The following ENPP3 variants were observed in gnomAD, a reference collection of about 807,000 sequenced individuals.
The protein encoded by ENPP3 is ectonucleotide pyrophosphatase/phosphodiesterase 3.
Under a neutral mutation model 117.8 loss-of-function variants are expected in ENPP3, and 104 were observed. The ratio of observed to expected loss-of-function variants is 0.88; its 90% confidence interval spans 0.75 to 1.04. The LOEUF (loss-of-function observed/expected upper bound fraction) is 1.04, where lower values mean the gene tolerates loss of function less well. ENPP3 is among the 50% of genes least tolerant of loss of function. The pLI, the probability that ENPP3 is intolerant of heterozygous loss-of-function variation, is 0.00. For missense variants in ENPP3, 1,026 were observed against 1,051.9 expected (o/e 0.98, Z 0.34); for synonymous variants, 380 against 349.9 (o/e 1.09, Z -0.96).
intron 3 of ENPP3, among the ~76,000 whole-genome samples, chr6:131,651,180 A>G (rs968027540): frequency 2.0e-5 from 3 of 151,744 alleles, no homozygotes; most frequent in Admixed American, 6.6e-5. Flanking sequence ...TCGGCATCCC[A>G]AAGTGCTGGG....
intron 24 of ENPP3, among the ~76,000 whole-genome samples, chr6:131,743,355 G>A (rs945293205): frequency 3.3e-5 from 5 of 151,920 alleles, no homozygotes; most frequent in South Asian, 2.1e-4. Context: ...GAATGACTTC[G>A]TTTCTTTGGG....
At chr6:131,670,853 C>T (rs996176163) in intron 6 of ENPP3, among the ~76,000 whole-genome samples, 1 of 152,138 alleles carries the variant, frequency 6.6e-6, no homozygotes, top group African/African-American at 2.4e-5. Context: ...TAAAAATTAC[C>T]TGAAATGCAA....
At chr6:131,677,790 G>T (rs2114396260) in intron 10 of ENPP3, 78 bp from the exon 11 acceptor site, 1 of 939,624 alleles carries the variant, frequency 1.1e-6, no homozygotes, top group Non-Finnish European at 1.7e-6. Flanking sequence ...GCAAGCCCAA[G>T]ATCTACAAAA....
At chr6:131,736,225 G>A (rs910098506) in intron 21 of ENPP3, among the ~76,000 whole-genome samples, 1 of 152,170 alleles carries the variant, frequency 6.6e-6, no homozygotes, top group Non-Finnish European at 1.5e-5. Flanking sequence ...AATCCTCAGA[G>A]CCCATGATTT....
At chr6:131,638,412 C>G (rs1405016172) in intron 1 of ENPP3, 1 of 425,844 alleles carries the variant, frequency 2.3e-6, no homozygotes, top group Non-Finnish European at 4.6e-6. Flanking sequence ...CTCATGTTCT[C>G]TAATAGTCTT....
intron 21 of ENPP3, among the ~76,000 whole-genome samples, chr6:131,736,180 G>A (rs1461565010): frequency 1.3e-5 from 2 of 152,150 alleles, no homozygotes; most frequent in African/African-American, 2.4e-5. Context: ...GAGCACCCTC[G>A]CTGAACACTC....
chr6:131,693,571 C>G lies in ENPP3; in HGVS notation c.1359C>G (p.Asn453Lys). Residue 453 changes from asparagine (N) to lysine (K), a missense_variant, in exon 15 of 25, where the codon AAC becomes AAG. Physicochemically the swap from Asn to Lys is moderately conservative, Grantham distance 94. Coordinates refer to ENST00000357639, the MANE Select transcript of ENPP3 (RefSeq NM_005021.5). ...CAAAGCGACTGCACTATGCCAAGAA[C>G]GTCAGAATCGACAAAGTTCATCTCT... ...DLPKRLHYAK[N>K]VRIDKVHLFV... is the part of the protein sequence containing the mutation. 1 of 1,613,866 alleles carries G rather than the reference C, an allele frequency of 6.2e-7. No individual in the cohort carries two copies.
intron 2 of ENPP3, among the ~76,000 whole-genome samples, chr6:131,644,869 G>A (rs1406546299): frequency 6.6e-6 from 1 of 152,162 alleles, no homozygotes; most frequent in Non-Finnish European, 1.5e-5. Flanking sequence ...GAATGTGAGA[G>A]GAAAGCCAGG....
rs909743329 is a variant in ENPP3 at position 131,693,079 on chromosome 6, G to GTTATATA, written c.1285-395_1285-389dup. Among the ~76,000 whole-genome samples, 157 of 141,694 alleles carry GTTATATA rather than the reference G, an allele frequency of 1.1e-3. 2 individuals carry two copies. The highest frequency in any genetic ancestry group is 2.5e-3 in the African/African-American group (95 of 38,622). The allele number at this position is 141,694 out of a possible 152,430, so 93.0% of individuals were successfully genotyped here. A position where few individuals can be genotyped will look rare whatever the true frequency, so the allele number is the denominator to read the frequency against. On this transcript the variant is annotated intron_variant, in intron 14 of 24. Transcript: ENST00000357639. ...GTTTATATATTATATATTATATATG[G>GTTATATA]TTATATATTATATATTATATATTAT... is the stretch of plus-strand genomic sequence containing the variant.
At chr6:131,638,446 G>T in intron 1 of ENPP3, 1 of 440,744 alleles carries the variant, frequency 2.3e-6, no homozygotes, top group South Asian at 1.6e-5. Context: ...TTATTTTTGA[G>T]ACAGGGTCTC....
rs372605274 is a variant in ENPP3, at chr6:131,641,545, C to A, written c.154+15C>A. The A allele has an allele frequency of 2.0e-6, 3 of 1,529,646 alleles. No homozygotes were observed. The highest frequency in any genetic ancestry group is 1.4e-5 in the African/African-American group (1 of 73,214). 94.8% of individuals were successfully genotyped at this position (1,529,646 alleles called of 1,614,324 possible). ...GGAAAAGCAAGGTATACCCCTCAGC[C>A]TTTTCTCAGAACATTCCCTTATTTC... On this transcript the variant is annotated intron_variant, in intron 2 of 24. Coordinates refer to ENST00000357639, the MANE Select transcript of ENPP3 (RefSeq NM_005021.5).
intron 11 of ENPP3, among the ~76,000 whole-genome samples, chr6:131,678,368 T>C (rs1163757963): frequency 6.6e-6 from 1 of 152,240 alleles, no homozygotes; most frequent in African/African-American, 2.4e-5. Flanking sequence ...TAATTGGATT[T>C]AACATGTTAT....
At position 131,733,630 on chromosome 6, in the gene ENPP3, C is replaced by G; in HGVS notation, c.1996C>G (p.Arg666Gly). The G allele has an allele frequency of 6.2e-7, 1 of 1,614,056 alleles. No individual in the cohort carries two copies. The highest frequency in any genetic ancestry group is 8.5e-7 in the Non-Finnish European group (1 of 1,179,950). ...GCCTCCCACTGTCCCAGACTGTCTG[C>G]GGGCTGATGTCAGGGTTCCTCCTTC... ...PLPPTVPDCLRADVRVPPSES... is the reference protein window; with the variant it reads ...PLPPTVPDCLGADVRVPPSES... Residue 666 changes from arginine to glycine, a missense_variant, in exon 21 of 25, where the codon CGG becomes GGG. By Grantham distance (125) the Arg-to-Gly change is moderately radical. Transcript: ENST00000357639.
chr6:131,715,850 C>G (rs1779877610), intron 15 of ENPP3, among the ~76,000 whole-genome samples: 1 of 152,010 alleles, frequency 6.6e-6, no homozygotes, highest in South Asian at 2.1e-4. Context: ...AGGTCCAGCC[C>G]CACCCAGTGT....
At chr6:131,722,766 A>G (rs941343147) in intron 18 of ENPP3, among the ~76,000 whole-genome samples, 2 of 152,184 alleles carry the variant, frequency 1.3e-5, no homozygotes, top group African/African-American at 4.8e-5. Context: ...GGTTATTTAG[A>G]GCAGAAAGAA....
intron 15 of ENPP3, chr6:131,701,063 G>T: frequency 1.8e-6 from 1 of 544,082 alleles, no homozygotes; most frequent in Non-Finnish European, 3.1e-6. Context: ...TCACCACCAG[G>T]AGGAGACATT....
intron 11 of ENPP3, among the ~76,000 whole-genome samples, chr6:131,678,903 TTCTC>T (rs772987004): frequency 5.6e-5 from 8 of 143,218 alleles, no homozygotes; most frequent in South Asian, 4.5e-4. Flanking sequence ...CTTTCTTTCT[TTCTC>T]TCTTTCTTTC....
At chr6:131,730,318 C>T (rs1310539496) in intron 20 of ENPP3, among the ~76,000 whole-genome samples, 1 of 152,162 alleles carries the variant, frequency 6.6e-6, no homozygotes, top group Non-Finnish European at 1.5e-5. Flanking sequence ...TCACTCAGAA[C>T]TGTATACTAT....
intron 14 of ENPP3, among the ~76,000 whole-genome samples, chr6:131,691,199 T>A (rs1031559834): frequency 1.6e-4 from 25 of 152,116 alleles, no homozygotes; most frequent in African/African-American, 5.6e-4. Context: ...TTGAGCTTAT[T>A]CTGGACAGAA....
Sources: gnomAD v4.1 joint callset for allele counts (sites outside exome capture counted in the v4.1 genomes callset) on GRCh38, gnomAD v4.1.1 for gene constraint, MANE v1.5 for transcripts, NCBI Gene and HGNC (gene_info 2026-07-23, HGNC 2026-07-21) for gene names.